RNF17: variants seen among roughly 807,000 people sequenced by gnomAD.
The protein encoded by RNF17 is spermatogenesis associated 23.
RNF17 carries 31 observed loss-of-function variants against 200.5 expected under a neutral mutation model. The ratio of observed to expected loss-of-function variants is 0.15; its 90% CI spans 0.12 to 0.21. The LOEUF (loss-of-function observed/expected upper bound fraction) is 0.21. Among genes scored for constraint, RNF17 ranks in the 10% least tolerant of loss-of-function variants. The pLI is 1.00. For synonymous variants in RNF17, 606 were observed against 637.8 expected, an observed-to-expected ratio of 0.95 and a Z score of 0.75; for missense variants, 1,628 against 1,905.1, an observed-to-expected ratio of 0.85 and a Z score of 2.71.
chr13:24,883,370 CTG>C (rs1188106842), downstream of RNF17: 2 of 1,585,922 alleles, frequency 1.3e-6, no homozygotes, highest in African/African-American at 2.7e-5. Context: ...GTTGCCATCA[CTG>C]TAAAATTTAA....
intron 18 of RNF17, among the ~76,000 whole-genome samples, chr13:24,840,925 A>G (rs1890569595): frequency 6.6e-6 from 1 of 152,216 alleles, no homozygotes; most frequent in Non-Finnish European, 1.5e-5. Context: ...ATACTGTTAT[A>G]ACTCTTATAA....
At chr13:24,791,414 C>T (rs1302119217) in intron 9 of RNF17, among the ~76,000 whole-genome samples, 1 of 152,042 alleles carries the variant, frequency 6.6e-6, no homozygotes, top group East Asian at 1.9e-4. Context: ...TGGTATTCAT[C>T]AAGATTAGGA....
At chr13:24,822,590 G>A (rs1301293470) in intron 15 of RNF17, among the ~76,000 whole-genome samples, 1 of 151,718 alleles carries the variant, frequency 6.6e-6, no homozygotes, top group Non-Finnish European at 1.5e-5. Flanking sequence ...CCTGACTAAT[G>A]TTGTATTTTT....
chr13:24,851,325 A>G (rs1225597820), intron 23 of RNF17, 131 bp from the exon 24 acceptor site: 7 of 711,426 alleles, frequency 9.8e-6, no homozygotes, highest in African/African-American at 5.4e-5. Flanking sequence ...TTAGATATCA[A>G]AATAACTTGA....
chr13:24,886,159 A>T, the RNF17 span: 1 of 485,120 alleles, frequency 2.1e-6, no homozygotes, highest in Non-Finnish European at 3.8e-6. Flanking sequence ...AGTGAGGTGA[A>T]TCTCTCTCTA....
At chr13:24,877,950 A>C (rs1895028706) in intron 34 of RNF17, among the ~76,000 whole-genome samples, 1 of 152,200 alleles carries the variant, frequency 6.6e-6, no homozygotes, top group South Asian at 2.1e-4. Context: ...AATTTTACCC[A>C]AAAAGTCTGT....
chr13:24,781,077 T>A (rs187425184), intron 5 of RNF17, among the ~76,000 whole-genome samples: 165 of 152,196 alleles, frequency 1.1e-3, no homozygotes, highest in African/African-American at 3.9e-3. Flanking sequence ...ATTCCCATTC[T>A]AAATTGGAAG....
chr13:24,778,553 G>A, intron 4 of RNF17, 147 bp downstream of exon 4: 1 of 651,652 alleles, frequency 1.5e-6, no homozygotes, highest in Admixed American at 2.8e-5. Context: ...AATCTCTTTT[G>A]TTCTATGCTT....
In RNF17 at chr13:24,861,342, T is replaced by G; in HGVS notation, c.3849T>G (p.Asp1283Glu). 1 of 1,584,418 alleles carries G rather than the reference T, an allele frequency of 6.3e-7. No homozygotes were observed. The highest frequency in any genetic ancestry group is 8.6e-7 in the Non-Finnish European group (1 of 1,162,654). ...TTTACCCTATTTTGCTGTATCCTGA[T>G]ATACCCCAGTTTTGTATTCCTTGTC... ...CHLYPILLYP[D>E]IPQFCIPCQL... The change falls in exon 27 of 36, where the codon GAT (aspartate) becomes GAG (glutamate). Residue 1283 changes from aspartate (D) to glutamate (E), a missense_variant. Around this residue, in one of 5 missense-constraint regions of RNF17, gnomAD observed 609 missense variants for 681.9 expected, o/e 0.89. Coordinates refer to ENST00000255324, the MANE Select transcript of RNF17 (RefSeq NM_031277.3).
Position 24,825,776 on chromosome 13 carries a change from G to C in RNF17, c.2245+4G>C. On this transcript the variant is annotated splice_donor_region_variant and intron_variant, in intron 16 of 35. Transcript: ENST00000255324. ...TGGTACCGAGCAAAAGTTATCGGTA[G>C]GAGAATGCATGCTGTTTCTACAGGG... 1.2e-6 allele frequency: 2 copies of C among 1,610,798 alleles called. No homozygotes were observed. Among genetic ancestry groups the C allele is most frequent in the Non-Finnish European group, 1.7e-6 (2 of 1,178,328 alleles).
rs556580503 is a variant in RNF17, at chr13:24,851,152, G to A, written c.3205-304G>A. Among the ~76,000 whole-genome samples, 104 of 152,190 alleles carry A rather than the reference G, an allele frequency of 6.8e-4. 1 individual carries two copies. The highest frequency in any genetic ancestry group is 2.4e-3 in the African/African-American group (99 of 41,536). Reference sequence around the variant, plus strand: ...TGGGACTACAGGCATGCGCCACCACGCCTGGCTAATTTTGTATTTTCAGTA... The same window carrying A: ...TGGGACTACAGGCATGCGCCACCACACCTGGCTAATTTTGTATTTTCAGTA... On this transcript the variant is annotated intron_variant, in intron 23 of 35. Transcript: ENST00000255324.
intron 6 of RNF17, among the ~76,000 whole-genome samples, chr13:24,786,449 A>G (rs1418692202): frequency 6.6e-6 from 1 of 152,180 alleles, no homozygotes; most frequent in Non-Finnish European, 1.5e-5. Context: ...AAATTACACT[A>G]ATATTGGTTT....
intron 18 of RNF17, among the ~76,000 whole-genome samples, chr13:24,841,621 A>G (rs946830775): frequency 2.0e-5 from 3 of 152,160 alleles, no homozygotes; most frequent in African/African-American, 7.2e-5. Context: ...AAGAAATGTC[A>G]TGTGTGCAAA....
At chr13:24,802,597 A>T in intron 14 of RNF17, 26 bp downstream of exon 14, 1 of 1,550,844 alleles carries the variant, frequency 6.4e-7, no homozygotes, top group Non-Finnish European at 8.8e-7. Flanking sequence ...AAACTTAAAT[A>T]TTCTTTGAGA....
At chr13:24,883,869 A>G (rs1025965443), downstream of RNF17, 4 of 1,420,300 alleles carry the variant, frequency 2.8e-6, no homozygotes, top group African/African-American at 4.2e-5. Flanking sequence ...TGGGTGTCAC[A>G]TATCATCAGA....
At chr13:24,800,988 T>C (rs1885185703) in intron 13 of RNF17, among the ~76,000 whole-genome samples, 1 of 152,236 alleles carries the variant, frequency 6.6e-6, no homozygotes, top group Non-Finnish European at 1.5e-5. Flanking sequence ...GTTAAGCAGT[T>C]GTATTCTTAC....
intron 25 of RNF17, among the ~76,000 whole-genome samples, chr13:24,857,417 A>G: frequency 6.6e-6 from 1 of 152,212 alleles, no homozygotes; most frequent in East Asian, 1.9e-4. Context: ...ATGGAAGAGA[A>G]GCAATATGAA....
intron 3 of RNF17, among the ~76,000 whole-genome samples, chr13:24,775,825 C>T (rs568240612): frequency 6.6e-6 from 1 of 152,288 alleles, no homozygotes; most frequent in East Asian, 1.9e-4. Context: ...TCCTGCTAGT[C>T]TGTAAGCCCC....
rs1159422513 is a variant in RNF17 at position 24,862,760 on chromosome 13, G to A, written c.3942G>A (p.Leu1314=). 6.2e-7 allele frequency: 1 copy of A among 1,607,910 alleles called. No individual in the cohort carries two copies. Among genetic ancestry groups the A allele is most frequent in the East Asian group, 2.2e-5 (1 of 44,760 alleles). The change falls in exon 28 of 36, where the codon CTG becomes CTA. Residue 1314 remains leucine (L), a synonymous_variant. Coordinates refer to ENST00000255324, the MANE Select transcript of RNF17 (RefSeq NM_031277.3). The stretch of plus-strand genomic sequence containing the variant: ...ATGCAATAGAAGTTCTTCAACAACT[G>A]CTTTCAAAGAGACAGGTGGACATTC... ...QPDAIEVLQQ[L]LSKRQVDIHI...
Sources: gnomAD v4.1 joint callset for allele counts (sites outside exome capture counted in the v4.1 genomes callset) on GRCh38, gnomAD v4.1.1 for gene constraint, gnomAD v4.1.1 regional missense constraint, MANE v1.5 for transcripts, NCBI Gene and HGNC (gene_info 2026-07-23, HGNC 2026-07-21) for gene names.